TFAP2D: variants seen among roughly 807,000 people sequenced by gnomAD.
TFAP2D encodes the protein transcription factor AP-2-delta.
Under a neutral mutation model 43.6 loss-of-function variants are expected in TFAP2D, and 9 were observed. The ratio of observed to expected loss-of-function variants is 0.21; its 90% CI spans 0.12 to 0.36. The LOEUF is 0.36. Ranked by LOEUF, TFAP2D falls within the 10% of genes least tolerant of loss-of-function variation. TFAP2D has a pLI of 1.00. For synonymous variants in TFAP2D, 256 were observed against 224.9 expected (o/e 1.14, Z -1.24); for missense variants, 513 against 561.4 (o/e 0.91, Z 0.87).
At chr6:50,768,481 G>C (rs935806857) in intron 7 of TFAP2D, among the ~76,000 whole-genome samples, 3 of 151,864 alleles carry the variant, frequency 2.0e-5, no homozygotes, top group Non-Finnish European at 4.4e-5. Flanking sequence ...TTACAGGCAT[G>C]AGCCACTGAA....
intron 7 of TFAP2D, among the ~76,000 whole-genome samples, chr6:50,765,953 A>G: frequency 6.6e-6 from 1 of 152,188 alleles, no homozygotes. Context: ...CCAATGCCAA[A>G]AATATTTTTC....
chr6:50,770,308 G>T (rs1238246929), intron 7 of TFAP2D, among the ~76,000 whole-genome samples: 2 of 152,250 alleles, frequency 1.3e-5, no homozygotes, highest in Non-Finnish European at 2.9e-5. Context: ...TAGCAGAGGT[G>T]TGGATATAGT....
At chr6:50,757,610 AATT>A (rs1190016233) in intron 7 of TFAP2D, among the ~76,000 whole-genome samples, 1 of 69,430 alleles carries the variant, frequency 1.4e-5, no homozygotes, top group African/African-American at 5.7e-5. Context: ...GAATATATAT[AATT>A]ATTCTATATA....
chr6:50,751,491 A>T (rs1769200171), intron 7 of TFAP2D, among the ~76,000 whole-genome samples, 167 bp downstream of exon 7: 1 of 152,002 alleles, frequency 6.6e-6, no homozygotes, highest in Non-Finnish European at 1.5e-5. Flanking sequence ...TATAAACAAC[A>T]GAAATATATT....
rs539156145 is a variant in TFAP2D, at chr6:50,732,717, A to G, written c.883+3405A>G. On this transcript the variant is annotated intron_variant, in intron 5 of 7. Coordinates refer to ENST00000008391, the MANE Select transcript of TFAP2D (RefSeq NM_172238.4). ...TGTAATCTTTGTGAAGAGCCAATCA[A>G]TGAACATAAGTGCCTTATGATGGGG... Among the ~76,000 whole-genome samples, 4 of 152,194 alleles carry G rather than the reference A, an allele frequency of 2.6e-5. No homozygotes were observed. In the East Asian group the frequency reaches 7.7e-4, roughly 29 times the overall value.
Position 50,713,905 on chromosome 6 carries a change from TC to T in TFAP2D, c.-149del. 8.2e-7 allele frequency: 1 copy of T among 1,224,278 alleles called. No individual in the cohort carries two copies. The highest frequency in any genetic ancestry group is 1.5e-5 in the African/African-American group (1 of 65,202). 75.8% of individuals were successfully genotyped at this position (1,224,278 alleles called of 1,614,324 possible). ...GGGTACGAGGCAAGGAGCTATCTGATCCGGGCAAAACCATTACAATTTAGAT... is the reference window on the plus strand; with the variant it reads ...GGGTACGAGGCAAGGAGCTATCTGATCGGGCAAAACCATTACAATTTAGAT... On this transcript the variant is annotated 5_prime_UTR_variant, in exon 1 of 8. It removes the in-frame stop codon of an upstream open reading frame in the 5' UTR. Transcript: ENST00000008391.
chr6:50,719,269 A>G (rs1581757702), intron 3 of TFAP2D, 119 bp downstream of exon 3: 1 of 1,073,908 alleles, frequency 9.3e-7, no homozygotes, highest in Non-Finnish European at 1.4e-6. Flanking sequence ...AATTATGCTT[A>G]GTCAATTATT....
chr6:50,761,045 T>C (rs1258826917), intron 7 of TFAP2D, among the ~76,000 whole-genome samples: 2 of 151,460 alleles, frequency 1.3e-5, no homozygotes, highest in Non-Finnish European at 2.9e-5. Flanking sequence ...AAAAGGAGAT[T>C]TGTCTTCCAT....
chr6:50,772,188 A>G (rs1769538397), intron 7 of TFAP2D, among the ~76,000 whole-genome samples: 1 of 152,056 alleles, frequency 6.6e-6, no homozygotes, highest in African/African-American at 2.4e-5. Context: ...TGGGAATTGA[A>G]CAATGAGAAC....
intron 5 of TFAP2D, among the ~76,000 whole-genome samples, chr6:50,744,389 A>G (rs1354105053): frequency 6.6e-6 from 1 of 151,698 alleles, no homozygotes; most frequent in African/African-American, 2.4e-5. Flanking sequence ...TTCTGGCTGC[A>G]TAGTGTTCCA....
chr6:50,763,293 C>T (rs1769391208), intron 7 of TFAP2D, among the ~76,000 whole-genome samples: 1 of 152,080 alleles, frequency 6.6e-6, no homozygotes, highest in Admixed American at 6.6e-5. Context: ...TAATGACAGC[C>T]TTGCAGCACT....
At chr6:50,736,148 A>G (rs1394215281) in intron 5 of TFAP2D, among the ~76,000 whole-genome samples, 1 of 152,154 alleles carries the variant, frequency 6.6e-6, no homozygotes, top group Non-Finnish European at 1.5e-5. Context: ...ACTTTCCCAC[A>G]TTAGTCCCAC....
intron 3 of TFAP2D, among the ~76,000 whole-genome samples, chr6:50,720,518 CACACACACACACACACACACAT>C (rs1263664903): frequency 1.3e-5 from 2 of 150,984 alleles, no homozygotes; most frequent in African/African-American, 4.9e-5. Context: ...CACACACACA[CACACACACACACACACACACAT>C]ATACGTGGTA....
intron 7 of TFAP2D, among the ~76,000 whole-genome samples, chr6:50,766,635 G>C (rs1328727571): frequency 1.5e-5 from 2 of 129,430 alleles, no homozygotes; most frequent in African/African-American, 5.6e-5. Flanking sequence ...TATTCCTTTT[G>C]ATACCATGAG....
intron 3 of TFAP2D, among the ~76,000 whole-genome samples, chr6:50,728,397 T>A (rs1056428640): frequency 1.3e-5 from 2 of 152,226 alleles, no homozygotes; most frequent in Non-Finnish European, 2.9e-5. Flanking sequence ...ATGGCAGTTT[T>A]CAAACACTTT....
chr6:50,735,826 G>C (rs762266688), intron 5 of TFAP2D, among the ~76,000 whole-genome samples: 1 of 152,090 alleles, frequency 6.6e-6, no homozygotes, highest in South Asian at 2.1e-4. Context: ...TACTAAGAAA[G>C]TTTTCTTGAT....
chr6:50,757,414 C>T (rs1385638192), intron 7 of TFAP2D, among the ~76,000 whole-genome samples: 1 of 121,106 alleles, frequency 8.3e-6, no homozygotes, highest in Non-Finnish European at 1.6e-5. Flanking sequence ...TAATTATTCT[C>T]TCTATATAGA....
At chr6:50,771,708 A>G (rs1005260768) in intron 7 of TFAP2D, among the ~76,000 whole-genome samples, 1 of 152,202 alleles carries the variant, frequency 6.6e-6, no homozygotes, top group African/African-American at 2.4e-5. Context: ...ACCATCTCAC[A>G]CCACTTAGAA....
chr6:50,757,186 G>C (rs1769276999), intron 7 of TFAP2D, among the ~76,000 whole-genome samples: 1 of 150,158 alleles, frequency 6.7e-6, no homozygotes, highest in Non-Finnish European at 1.5e-5. Flanking sequence ...ATGGCAGGTA[G>C]TGAAAAGATG....
Sources: gnomAD v4.1 joint callset for allele counts (sites outside exome capture counted in the v4.1 genomes callset) on GRCh38, gnomAD v4.1.1 for gene constraint, MANE v1.5 for transcripts, NCBI Gene and HGNC (gene_info 2026-07-23, HGNC 2026-07-21) for gene names.